The following PPFIA4 variants were observed in gnomAD, a reference collection of about 807,000 sequenced individuals.
PPFIA4 encodes liprin-alpha-4.
A neutral mutation model predicts 145.7 loss-of-function variants in PPFIA4; 98 were observed. The ratio of observed to expected loss-of-function variants is 0.67; its 90% CI spans 0.57 to 0.80. The LOEUF (loss-of-function observed/expected upper bound fraction) is 0.80, where lower values mean the gene tolerates loss of function less well. PPFIA4 is among the 30% of genes least tolerant of loss of function. The pLI is 0.00. For synonymous variants in PPFIA4, 628 were observed against 649.6 expected (o/e 0.97, Z 0.51); for missense variants, 1,457 against 1,632.7 (o/e 0.89, Z 1.85).
intron 14 of PPFIA4, among the ~76,000 whole-genome samples, chr1:203,053,043 G>C (rs759779887): frequency 2.0e-5 from 3 of 152,186 alleles, no homozygotes; most frequent in Non-Finnish European, 4.4e-5. Context: ...GATCCTCACA[G>C]CTATCTATGA....
At chr1:203,030,338 T>C (rs1329531085) in intron 1 of PPFIA4, among the ~76,000 whole-genome samples, 1 of 152,062 alleles carries the variant, frequency 6.6e-6, no homozygotes, top group Non-Finnish European at 1.5e-5. Flanking sequence ...GGCTCTCCTT[T>C]GGCCTAGAGG....
At chr1:203,049,978 G>C (rs978150608) in intron 13 of PPFIA4, among the ~76,000 whole-genome samples, 1 of 152,226 alleles carries the variant, frequency 6.6e-6, no homozygotes, top group Non-Finnish European at 1.5e-5. Flanking sequence ...CTGCTGAGAG[G>C]CGAGTCATCA....
rs900599656 is a variant in PPFIA4, at chr1:203,076,559, C to T, written c.*169C>T. 2.0e-5 allele frequency: 13 copies of T among 647,698 alleles called. No homozygotes were observed. The highest frequency in any genetic ancestry group is 1.4e-4 in the Admixed American group (5 of 36,608). The allele number at this position is 647,698 out of a possible 1,614,324, so 40.1% of individuals were successfully genotyped here. On this transcript the variant is annotated 3_prime_UTR_variant, in exon 30 of 30. Coordinates refer to ENST00000295706, the MANE Select transcript of PPFIA4 (RefSeq NM_001304331.2). ...CCACCCCCTCGGCACCCCATTACCCCGAGTCCCACCGTGTGTCCGTTGTAA... is the reference window on the plus strand; with the variant it reads ...CCACCCCCTCGGCACCCCATTACCCTGAGTCCCACCGTGTGTCCGTTGTAA...
chr1:203,057,353 G>T (rs1006283478), intron 19 of PPFIA4, among the ~76,000 whole-genome samples: 16 of 152,114 alleles, frequency 1.1e-4, no homozygotes, highest in African/African-American at 3.6e-4. Context: ...CTTATTTCTG[G>T]GTACATCTGG....
At chr1:203,034,703 A>T (rs1258841286) in intron 1 of PPFIA4, 8 of 456,502 alleles carry the variant, frequency 1.8e-5, no homozygotes, top group Admixed American at 1.6e-4. Flanking sequence ...TGCTCTGCAG[A>T]GGCCTTCCCC....
intron 23 of PPFIA4, chr1:203,061,287 C>T (rs1007158092): frequency 1.2e-5 from 7 of 564,812 alleles, no homozygotes; most frequent in African/African-American, 7.6e-5. Flanking sequence ...TGTGCTACAG[C>T]GGAGGAGAGT....
chr1:203,048,976 A>C lies in PPFIA4; in HGVS notation c.1415A>C (p.His472Pro), dbSNP rs773938820. ...CGGCAGATTGAGGAGCAGCACCACC[A>C]CAAGGTACCCGGCTGCGGCCAGCCC... Reference protein sequence around the residue: ...SQRQIEEQHHHKGRLSEEIEK... With the variant: ...SQRQIEEQHHPKGRLSEEIEK... The change falls in exon 12 of 30, where the codon CAC becomes CCC. Residue 472 changes from histidine to proline, a missense_variant. Coordinates refer to ENST00000295706, the MANE Select transcript of PPFIA4 (RefSeq NM_001304331.2). This position sits in a 1 kb window ranked among gnomAD's most constrained non-coding sequence, Gnocchi z 5.8. 44 of 1,548,372 alleles carry C rather than the reference A, an allele frequency of 2.8e-5. No individual in the cohort carries two copies. The highest frequency in any genetic ancestry group is 3.3e-5 in the Non-Finnish European group (38 of 1,146,800).
At chr1:203,070,992 C>T (rs1662115263) in intron 27 of PPFIA4, among the ~76,000 whole-genome samples, 1 of 150,540 alleles carries the variant, frequency 6.6e-6, no homozygotes, top group Admixed American at 6.6e-5. Context: ...CTTGTTCTAT[C>T]ACCCGATCTG....
intron 25 of PPFIA4, among the ~76,000 whole-genome samples, chr1:203,064,231 A>G (rs1178605825): frequency 6.6e-6 from 1 of 152,222 alleles, no homozygotes; most frequent in Admixed American, 6.5e-5. Context: ...TGACTAGGTC[A>G]TTGTGTCTAG....
At chr1:203,063,682 A>G (rs1661543121) in intron 24 of PPFIA4, 146 bp from the exon 25 acceptor site, 1 of 725,582 alleles carries the variant, frequency 1.4e-6, no homozygotes, top group Admixed American at 2.8e-5. Flanking sequence ...CCCCTTATTG[A>G]AGATAAACTG....
At chr1:203,057,674 C>T (rs1371819212) in intron 19 of PPFIA4, among the ~76,000 whole-genome samples, 1 of 152,226 alleles carries the variant, frequency 6.6e-6, no homozygotes, top group Non-Finnish European at 1.5e-5. Context: ...ACAGTTCACT[C>T]CTTCAAGGAG....
intron 28 of PPFIA4, 86 bp downstream of exon 28, chr1:203,071,846 T>C: frequency 1.7e-6 from 2 of 1,188,218 alleles, no homozygotes; most frequent in Middle Eastern, 3.8e-4. Context: ...TTCCCTGGGC[T>C]AATTGTTGGA....
At chr1:203,058,397 A>G (rs1661123674) in intron 19 of PPFIA4, among the ~76,000 whole-genome samples, 1 of 152,210 alleles carries the variant, frequency 6.6e-6, no homozygotes, top group Admixed American at 6.5e-5. Flanking sequence ...CTTCTTCCCC[A>G]GTCCACAGGG....
At chr1:203,032,041 C>CTGTGTGTGT (rs1553253550) in intron 1 of PPFIA4, among the ~76,000 whole-genome samples, 1 of 146,350 alleles carries the variant, frequency 6.8e-6, no homozygotes, top group Non-Finnish European at 1.5e-5. Flanking sequence ...TCTGAGAGAA[C>CTGTGTGTGT]GTGTGTGTGT....
chr1:203,075,869 C>A lies in PPFIA4; in HGVS notation c.3574+112C>A. ...GGGCGAGGCCGAGGCTGGTGCCCCG[C>A]GCTCCTGCGCTGCAGCTGCACTAAC... On this transcript the variant is annotated intron_variant, in intron 29 of 29. Transcript: ENST00000295706. This position sits in a 1 kb window ranked among gnomAD's most constrained non-coding sequence, Gnocchi z 4.1. 9.3e-7 allele frequency: 1 copy of A among 1,081,018 alleles called. No individual in the cohort carries two copies. The highest frequency in any genetic ancestry group is 1.2e-6 in the Non-Finnish European group (1 of 812,842). 67.0% of individuals were successfully genotyped at this position (1,081,018 alleles called of 1,614,324 possible).
At chr1:203,054,070 G>A in intron 15 of PPFIA4, 109 bp downstream of exon 15, 2 of 1,251,144 alleles carry the variant, frequency 1.6e-6, no homozygotes. Flanking sequence ...GCAACTTAGA[G>A]TACCACAGTT....
rs1659929965 is a variant in PPFIA4 at position 203,044,583 on chromosome 1, G to A, written c.577-113G>A. 37 of 1,396,036 alleles carry A rather than the reference G, an allele frequency of 2.7e-5. 1 individual carries two copies. The Middle Eastern group carries it at 2.0e-3, about 75-fold the overall frequency. The allele number at this position is 1,396,036 out of a possible 1,614,324, so 86.5% of individuals were successfully genotyped here. On this transcript the variant is annotated intron_variant, in intron 5 of 29. Transcript: ENST00000295706. ...AAGCTGCTAGGCAAGGCTAGGCTGA[G>A]CACCTCTTTCTAGGAGACATTTTTT...
At chr1:203,058,743 A>G (rs1189739677) in intron 19 of PPFIA4, among the ~76,000 whole-genome samples, 1 of 152,164 alleles carries the variant, frequency 6.6e-6, no homozygotes, top group African/African-American at 2.4e-5. Flanking sequence ...CACCCAGAGA[A>G]GGAGGCTCAG....
Position 203,048,564 on chromosome 1 carries a change from G to A in PPFIA4, c.1225-19G>A, listed in dbSNP as rs1201533675. 4.5e-6 allele frequency: 7 copies of A among 1,566,838 alleles called. No individual in the cohort carries two copies. In the South Asian group the frequency reaches 5.9e-5, roughly 13 times the overall value. ...CCTCCCTGGGAGGGCGGCCTGGTGC[G>A]AGGCAGACGGCTGTGCAGGTGCGCC... On this transcript the variant is annotated intron_variant, in intron 10 of 29. Coordinates refer to ENST00000295706, the MANE Select transcript of PPFIA4 (RefSeq NM_001304331.2). The surrounding 1 kb of genome is among the most constrained non-coding windows in gnomAD (Gnocchi z 5.8).
Sources: gnomAD v4.1 joint callset for allele counts (sites outside exome capture counted in the v4.1 genomes callset) on GRCh38, gnomAD v4.1.1 for gene constraint, Gnocchi (gnomAD v3.1) non-coding constraint, MANE v1.5 for transcripts, NCBI Gene and HGNC (gene_info 2026-07-23, HGNC 2026-07-21) for gene names.